C8orf89: variants seen among roughly 807,000 people sequenced by gnomAD.
C8orf89 encodes the protein chromosome 8 open reading frame 89, also known as putative uncharacterized protein C8orf89.
A neutral mutation model predicts 15.8 loss-of-function variants in C8orf89; 14 were observed. That is an observed-to-expected ratio of 0.89 (90% CI 0.59 to 1.39). C8orf89 has a LOEUF of 1.39. Among genes scored for constraint, C8orf89 ranks in the 40% most tolerant of loss-of-function variants. C8orf89 has a pLI of 0.00. For synonymous variants in C8orf89, 55 were observed against 62.2 expected (o/e 0.88, Z 0.54); for missense variants, 181 against 184.5 (o/e 0.98, Z 0.11).
upstream of C8orf89, among the ~76,000 whole-genome samples, chr8:73,260,731 G>A (rs1325155566): frequency 6.6e-6 from 1 of 152,144 alleles, no homozygotes; most frequent in African/African-American, 2.4e-5. Context: ...TCCCAGCAGA[G>A]GAAGAGCATT....
intron 2 of C8orf89, among the ~76,000 whole-genome samples, chr8:73,252,546 T>C (rs955660597): frequency 2.0e-5 from 3 of 152,186 alleles, no homozygotes; most frequent in African/African-American, 7.2e-5. Flanking sequence ...TCTGCAAAGT[T>C]CTTATTCTTA....
chr8:73,278,405 AACC>A, the C8orf89 span, among the ~76,000 whole-genome samples: 8 of 152,238 alleles, frequency 5.3e-5, no homozygotes, highest in South Asian at 1.5e-3. Flanking sequence ...TCTTTTTAAA[AACC>A]ACCACAAGTG....
intron 1 of C8orf89, 60 bp downstream of exon 1, chr8:73,259,272 A>T (rs1035591070): frequency 1.4e-5 from 16 of 1,123,532 alleles, no homozygotes; most frequent in Non-Finnish European, 1.8e-5. Context: ...AAAAAAATAC[A>T]TGGAAATTCA....
intron 2 of C8orf89, among the ~76,000 whole-genome samples, chr8:73,253,112 C>T (rs1563531725): frequency 6.6e-6 from 1 of 152,184 alleles, no homozygotes; most frequent in Non-Finnish European, 1.5e-5. Flanking sequence ...CACTGCACTC[C>T]AGCCTGGGCG....
Position 73,257,668 on chromosome 8 carries a change from A to G in C8orf89, c.128-542T>C, listed in dbSNP as rs1373785667. Among the ~76,000 whole-genome samples, 10 of 152,224 alleles carry G rather than the reference A, an allele frequency of 6.6e-5. No homozygotes were observed. The South Asian group carries it at 1.7e-3, about 25-fold the overall frequency. On this transcript the variant is annotated intron_variant, in intron 1 of 3. Transcript: ENST00000624510. ...AAGCATCAAGATTGTTTCTTCTACTAACCTCACATATCCATTGCACAGAGA... is the reference window on the plus strand; with the variant it reads ...AAGCATCAAGATTGTTTCTTCTACTGACCTCACATATCCATTGCACAGAGA...
the C8orf89 span, among the ~76,000 whole-genome samples, chr8:73,284,042 TAA>T: frequency 1.5e-5 from 2 of 134,892 alleles, no homozygotes; most frequent in Non-Finnish European, 1.6e-5. Flanking sequence ...AACTCTGTCT[TAA>T]AAAAAAAAAA....
chr8:73,246,859 A>G (rs1419770061), intron 3 of C8orf89, among the ~76,000 whole-genome samples: 1 of 152,236 alleles, frequency 6.6e-6, no homozygotes, highest in African/African-American at 2.4e-5. Context: ...CAATTCTGAC[A>G]GCTACCAATA....
chr8:73,275,027 C>T, the C8orf89 span, among the ~76,000 whole-genome samples: 1 of 152,094 alleles, frequency 6.6e-6, no homozygotes, highest in African/African-American at 2.4e-5. Context: ...TAAATGACTC[C>T]TAATACACAT....
At chr8:73,272,530 G>A in the C8orf89 span, among the ~76,000 whole-genome samples, 1 of 152,012 alleles carries the variant, frequency 6.6e-6, no homozygotes, top group Non-Finnish European at 1.5e-5. Context: ...ATGTATACAT[G>A]TGCCGTGTTG....
At chr8:73,276,177 G>GC in the C8orf89 span, among the ~76,000 whole-genome samples, 1 of 99,934 alleles carries the variant, frequency 1.0e-5, no homozygotes, top group East Asian at 3.6e-4. Flanking sequence ...GATTTCTGAT[G>GC]CTTTTTTTTT....
At chr8:73,285,316 TAC>T in the C8orf89 span, among the ~76,000 whole-genome samples, 1 of 152,164 alleles carries the variant, frequency 6.6e-6, no homozygotes, top group Non-Finnish European at 1.5e-5. Flanking sequence ...AGAAAGAATA[TAC>T]AGATCCGGCA....
the C8orf89 span, among the ~76,000 whole-genome samples, chr8:73,268,463 G>T: frequency 6.6e-6 from 1 of 151,766 alleles, no homozygotes; most frequent in African/African-American, 2.4e-5. Context: ...TGGGCGACAG[G>T]GTGAGACTCT....
At chr8:73,249,763 G>A (rs907936591) in intron 3 of C8orf89, among the ~76,000 whole-genome samples, 1 of 152,034 alleles carries the variant, frequency 6.6e-6, no homozygotes, top group South Asian at 2.1e-4. Flanking sequence ...AAAACTATTG[G>A]TATATAGATA....
the C8orf89 span, among the ~76,000 whole-genome samples, chr8:73,285,225 A>C: frequency 2.0e-5 from 3 of 152,174 alleles, 1 homozygote; most frequent in African/African-American, 4.8e-5. Flanking sequence ...ACTCCAGTTT[A>C]AGCCTGGGAG....
At chr8:73,264,582 C>T in the C8orf89 span, among the ~76,000 whole-genome samples, 1 of 152,152 alleles carries the variant, frequency 6.6e-6, no homozygotes, top group African/African-American at 2.4e-5. Flanking sequence ...CCTCCACCTC[C>T]CGGGTTCATG....
intron 1 of C8orf89, among the ~76,000 whole-genome samples, chr8:73,258,967 G>A (rs1206995447): frequency 6.6e-6 from 1 of 152,108 alleles, no homozygotes; most frequent in Non-Finnish European, 1.5e-5. Context: ...CACTGTTAAA[G>A]ATTTGGATGT....
At chr8:73,255,924 A>G (rs1336609102) in intron 2 of C8orf89, among the ~76,000 whole-genome samples, 1 of 146,890 alleles carries the variant, frequency 6.8e-6, no homozygotes, top group Non-Finnish European at 1.5e-5. Flanking sequence ...ACACATGGAC[A>G]CAGGAAGGGG....
At chr8:73,259,961 G>A (rs887523982), upstream of C8orf89, among the ~76,000 whole-genome samples, 1 of 152,170 alleles carries the variant, frequency 6.6e-6, no homozygotes, top group African/African-American at 2.4e-5. Flanking sequence ...GGAGTCCCAT[G>A]GGAATGGTGA....
chr8:73,271,720 A>G, the C8orf89 span, among the ~76,000 whole-genome samples: 1 of 152,202 alleles, frequency 6.6e-6, no homozygotes, highest in South Asian at 2.1e-4. Flanking sequence ...TGCTGCTGAT[A>G]AAGACACCCG....
Sources: allele counts gnomAD v4.1 joint callset (sites outside exome capture counted in the v4.1 genomes callset), GRCh38; gene constraint gnomAD v4.1.1; transcripts MANE v1.5; gene names NCBI Gene and HGNC (gene_info 2026-07-23, HGNC 2026-07-21).